DLG2: variants seen among roughly 807,000 people sequenced by gnomAD.
DLG2 encodes the protein disks large homolog 2.
DLG2 carries 45 observed loss-of-function variants against 132.5 expected under a neutral mutation model. The observed-to-expected ratio is 0.34, with a 90% CI of 0.27 to 0.44. The LOEUF is 0.44. Among genes scored for constraint, DLG2 ranks in the 20% least tolerant of loss-of-function variants. The pLI is 1.00. For synonymous variants in DLG2, 424 were observed against 419.6 expected (o/e 1.01, Z -0.13); for missense variants, 1,045 against 1,196.9 (o/e 0.87, Z 1.87).
At chr11:83,561,883 CTTTTTTTTTTTTT>C (rs66514406) in intron 19 of DLG2, among the ~76,000 whole-genome samples, 3 of 87,966 alleles carry the variant, frequency 3.4e-5, no homozygotes, top group Admixed American at 2.9e-4. Context: ...GTATTTCTTT[CTTTTTTTTTTTTT>C]TTTTTTTTTT....
At chr11:84,708,101 A>T (rs1037651399) in intron 6 of DLG2, among the ~76,000 whole-genome samples, 1 of 151,782 alleles carries the variant, frequency 6.6e-6, no homozygotes, top group Non-Finnish European at 1.5e-5. Flanking sequence ...CTAGCCCCCA[A>T]ATAGTTCTTT....
chr11:83,539,766 C>T (rs570934873), intron 20 of DLG2, among the ~76,000 whole-genome samples: 6 of 152,160 alleles, frequency 3.9e-5, no homozygotes, highest in Admixed American at 3.9e-4. Context: ...GTCAGCTATA[C>T]TCTGGTTGTT....
chr11:85,444,663 A>C (rs775473985), intron 3 of DLG2, among the ~76,000 whole-genome samples: 4 of 152,258 alleles, frequency 2.6e-5, no homozygotes, highest in Non-Finnish European at 5.9e-5. Context: ...CTGCCAGGCC[A>C]GTAAATAAAA....
chr11:84,005,148 A>G (rs538163350), intron 11 of DLG2, among the ~76,000 whole-genome samples: 5 of 152,136 alleles, frequency 3.3e-5, no homozygotes, highest in Admixed American at 1.3e-4. Flanking sequence ...GTATAAAAAT[A>G]GACACTTAGA....
chr11:83,737,129 C>T (rs1007187258), intron 18 of DLG2, among the ~76,000 whole-genome samples: 5 of 152,136 alleles, frequency 3.3e-5, no homozygotes, highest in African/African-American at 9.7e-5. Flanking sequence ...GGAAGCTGTA[C>T]CTGTTTGGAA....
chr11:84,758,643 T>C (rs942243663), intron 6 of DLG2, among the ~76,000 whole-genome samples: 1 of 152,198 alleles, frequency 6.6e-6, no homozygotes. Flanking sequence ...ATACCATAAA[T>C]GACCATAATA....
chr11:85,472,717 A>T (rs926843677), intron 3 of DLG2, among the ~76,000 whole-genome samples: 1 of 152,248 alleles, frequency 6.6e-6, no homozygotes, highest in Non-Finnish European at 1.5e-5. Context: ...CAGGTGCCAA[A>T]GGAGCCGCTG....
intron 6 of DLG2, among the ~76,000 whole-genome samples, chr11:84,703,883 T>TATATATATAC (rs1555174924): frequency 8.3e-6 from 1 of 119,924 alleles, no homozygotes; most frequent in African/African-American, 4.2e-5. Flanking sequence ...TATATATATA[T>TATATATATAC]ACACGTGTGT....
intron 17 of DLG2, among the ~76,000 whole-genome samples, chr11:83,819,940 C>A (rs1054755105): frequency 6.9e-6 from 1 of 144,114 alleles, no homozygotes; most frequent in Non-Finnish European, 1.5e-5. Context: ...AGGACCCTCA[C>A]AATAATAATA....
At chr11:83,988,795 T>C (rs2093517311) in intron 11 of DLG2, among the ~76,000 whole-genome samples, 1 of 152,174 alleles carries the variant, frequency 6.6e-6, no homozygotes, top group Non-Finnish European at 1.5e-5. Flanking sequence ...AAGCTCCCTA[T>C]TTAATGCTGT....
At chr11:85,434,514 T>C (rs912832920) in intron 3 of DLG2, among the ~76,000 whole-genome samples, 1 of 151,624 alleles carries the variant, frequency 6.6e-6, no homozygotes, top group African/African-American at 2.4e-5. Flanking sequence ...CCCACAGAAA[T>C]ACAAACTACC....
chr11:83,997,217 T>C (rs1306128397), intron 11 of DLG2, among the ~76,000 whole-genome samples: 1 of 152,168 alleles, frequency 6.6e-6, no homozygotes, highest in African/African-American at 2.4e-5. Flanking sequence ...AAAAACCTTT[T>C]ATGCTCAATT....
intron 3 of DLG2, among the ~76,000 whole-genome samples, chr11:85,457,121 T>C (rs1281807906): frequency 6.6e-6 from 1 of 152,168 alleles, no homozygotes; most frequent in Non-Finnish European, 1.5e-5. Context: ...TGCATATATA[T>C]TTAGGATACT....
rs186945779 is a variant in DLG2, at chr11:85,479,517, T to A, written c.40+119140A>T. ...GTCTATAACAGTATCCATAAAAACATTACTTTAAAATAATATAAACACTTA... is the reference window on the plus strand; with the variant it reads ...GTCTATAACAGTATCCATAAAAACAATACTTTAAAATAATATAAACACTTA... On this transcript the variant is annotated intron_variant, in intron 3 of 27. Coordinates refer to ENST00000376104, the MANE Select transcript of DLG2 (RefSeq NM_001142699.3). Among the ~76,000 whole-genome samples, 38 of 152,326 alleles carry A rather than the reference T, an allele frequency of 2.5e-4. No individual in the cohort carries two copies. In the East Asian group the frequency reaches 7.1e-3, roughly 29 times the overall value.
intron 7 of DLG2, among the ~76,000 whole-genome samples, chr11:84,492,687 T>C (rs1426568391): frequency 6.6e-6 from 1 of 152,150 alleles, no homozygotes; most frequent in Non-Finnish European, 1.5e-5. Flanking sequence ...TTAGTTGCTG[T>C]TTTTGTCATC....
chr11:84,669,560 G>A (rs1228111611), intron 6 of DLG2, among the ~76,000 whole-genome samples: 1 of 152,058 alleles, frequency 6.6e-6, no homozygotes, highest in Non-Finnish European at 1.5e-5. Context: ...TAGCATCTAT[G>A]GTGTAAGATA....
intron 3 of DLG2, among the ~76,000 whole-genome samples, chr11:85,295,862 C>T (rs1345485673): frequency 6.6e-6 from 1 of 152,098 alleles, no homozygotes; most frequent in East Asian, 1.9e-4. Context: ...AGCAAAATCT[C>T]AAACAGAATG....
intron 8 of DLG2, among the ~76,000 whole-genome samples, chr11:84,200,148 C>G (rs1184384529): frequency 2.0e-5 from 3 of 151,882 alleles, no homozygotes; most frequent in Admixed American, 2.0e-4. Flanking sequence ...CTTTGGAGTA[C>G]TCGAAGGGAA....
chr11:85,242,675 T>C (rs1442176753), intron 4 of DLG2, among the ~76,000 whole-genome samples: 1 of 151,774 alleles, frequency 6.6e-6, no homozygotes, highest in Non-Finnish European at 1.5e-5. Context: ...TAAAATATTA[T>C]ATTTATTATA....
Sources: gnomAD v4.1 joint callset for allele counts (sites outside exome capture counted in the v4.1 genomes callset) on GRCh38, gnomAD v4.1.1 for gene constraint, MANE v1.5 for transcripts, NCBI Gene and HGNC (gene_info 2026-07-23, HGNC 2026-07-21) for gene names.